The following SPEF2 variants were observed in gnomAD, a reference collection of about 807,000 sequenced individuals.
SPEF2 encodes sperm flagellar and cilia associated 2, also known as sperm flagella and cilia-associated protein 2.
SPEF2 carries 187 observed loss-of-function variants against 224.6 expected under a neutral mutation model. The ratio of observed to expected loss-of-function variants is 0.83; its 90% CI spans 0.74 to 0.94. The LOEUF (loss-of-function observed/expected upper bound fraction) is 0.94, where lower values mean the gene tolerates loss of function less well. Among genes scored for constraint, SPEF2 ranks in the 40% least tolerant of loss-of-function variants. The pLI, the probability that SPEF2 is intolerant of heterozygous loss-of-function variation, is 0.00. For synonymous variants in SPEF2, 715 were observed against 707.3 expected (o/e 1.01, Z -0.17); for missense variants, 2,170 against 2,135.6 (o/e 1.02, Z -0.32).
At chr5:35,646,346 G>A (rs1201892522) in intron 4 of SPEF2, among the ~76,000 whole-genome samples, 1 of 152,090 alleles carries the variant, frequency 6.6e-6, no homozygotes, top group East Asian at 1.9e-4. Context: ...ATGGCAGTAG[G>A]ATTGGGAAAG....
chr5:35,649,213 TA>T, intron 5 of SPEF2, 147 bp from the exon 6 acceptor site: 9 of 605,068 alleles, frequency 1.5e-5, no homozygotes, highest in Non-Finnish European at 2.5e-5. Context: ...ATCAAAATTA[TA>T]AAAAAAATTT....
At chr5:35,673,165 A>G (rs1444106740) in intron 10 of SPEF2, among the ~76,000 whole-genome samples, 1 of 152,174 alleles carries the variant, frequency 6.6e-6, no homozygotes, top group Non-Finnish European at 1.5e-5. Flanking sequence ...TGAGTTATTT[A>G]GTAGAAAGTG....
chr5:35,667,090 A>T lies in SPEF2; in HGVS notation c.1186A>T (p.Lys396Ter). 6.2e-7 allele frequency: 1 copy of T among 1,607,008 alleles called. No homozygotes were observed. Among genetic ancestry groups the T allele is most frequent in the Non-Finnish European group, 8.5e-7 (1 of 1,178,124 alleles). The part of the protein sequence containing the change: ...DREAALAKQA[K>*]IDFEEQFLKE... ...TTTTTAGGCTTTGGCAAAACAAGCC[A>T]AGATTGACTTTGAAGAACAATTCCT... The change falls in exon 9 of 37, where the codon AAG (lysine) becomes TAG (stop). Residue 396 changes from lysine to a stop codon, truncating the protein, a stop_gained. Transcript: ENST00000356031. LOFTEE classifies it high-confidence loss of function.
At position 35,659,100 on chromosome 5, in the gene SPEF2, C is replaced by T. The variant is rs763787700; in HGVS notation, c.1060C>T (p.His354Tyr). 1.2e-6 allele frequency: 2 copies of T among 1,613,136 alleles called. No individual in the cohort carries two copies. The change falls in exon 8 of 37, where the codon CAT becomes TAT. Residue 354 changes from histidine to tyrosine, a missense_variant. Physicochemically the swap from His to Tyr is moderately conservative, Grantham distance 83 (BLOSUM62 2). Transcript: ENST00000356031. ...GCGCAGGATTGCCGTGCAGCTCATG[C>T]ATGTTCGGCATGAAAAGGAAGTTTT... ...QERRIAVQLM[H>Y]VRHEKEVLWQ...
chr5:35,779,047 T>C, intron 29 of SPEF2, 70 bp from the exon 30 acceptor site: 1 of 1,199,628 alleles, frequency 8.3e-7, no homozygotes, highest in Non-Finnish European at 1.2e-6. Flanking sequence ...TGTATATGTC[T>C]TATAAGCAAA....
Position 35,814,518 on chromosome 5 carries a change from A to T in SPEF2, c.5434A>T (p.Arg1812Ter), listed in dbSNP as rs768580531. The part of the protein sequence containing the change: ...SEHVQGSDGE[R>*]SPSRHTEEKK ...ACATGTACAAGGAAGTGATGGAGAG[A>T]GATCACCTTCAAGACATACAGAGGA... The change falls in exon 37 of 37, where the codon AGA becomes TGA. Residue 1812 changes from arginine (R) to a stop codon, truncating the protein, a stop_gained. Transcript: ENST00000356031. LOFTEE classifies it high-confidence loss of function. The T allele has an allele frequency of 6.2e-7, 1 of 1,609,710 alleles. No homozygotes were observed. Among genetic ancestry groups the T allele is most frequent in the Non-Finnish European group, 8.5e-7 (1 of 1,177,318 alleles).
At chr5:35,812,339 T>C (rs1758597492) in intron 36 of SPEF2, among the ~76,000 whole-genome samples, 1 of 152,196 alleles carries the variant, frequency 6.6e-6, no homozygotes, top group Non-Finnish European at 1.5e-5. Context: ...CTCTGGTCCA[T>C]ACCTATGTGG....
intron 6 of SPEF2, among the ~76,000 whole-genome samples, chr5:35,652,477 T>C (rs1748342876): frequency 6.6e-6 from 1 of 152,206 alleles, no homozygotes; most frequent in African/African-American, 2.4e-5. Context: ...TTGGCCTTAC[T>C]GAGTGCTTGG....
At chr5:35,766,395 T>G (rs1752093373) in intron 26 of SPEF2, among the ~76,000 whole-genome samples, 2 of 152,036 alleles carry the variant, frequency 1.3e-5, no homozygotes, top group African/African-American at 4.8e-5. Context: ...TTGGTAGATA[T>G]TATTTTGCTA....
intron 33 of SPEF2, among the ~76,000 whole-genome samples, chr5:35,796,114 C>G (rs1756625036): frequency 6.6e-6 from 1 of 152,214 alleles, no homozygotes; most frequent in Non-Finnish European, 1.5e-5. Context: ...AAGCTTCCTT[C>G]CAATTCTAAA....
At chr5:35,695,863 A>G in intron 14 of SPEF2, 67 bp downstream of exon 14, 1 of 1,257,056 alleles carries the variant, frequency 8.0e-7, no homozygotes, top group Non-Finnish European at 1.1e-6. Context: ...GGTGTTTTGG[A>G]GTGTCTTCGA....
chr5:35,677,592 G>A (rs2149496005), intron 10 of SPEF2, among the ~76,000 whole-genome samples: 1 of 152,300 alleles, frequency 6.6e-6, no homozygotes, highest in East Asian at 1.9e-4. Context: ...TCAATGCCTT[G>A]GAAGGGCCAT....
Position 35,670,064 on chromosome 5 carries a change from T to TGATAG in SPEF2, c.1361_1362insGATAG (p.Ile454MetfsTer7). ...ACCTTTTTTTTGTGCGATAGTCTGA[T>TGATAG]TCCGTATAAGTTGATGCATGATTGG... On this transcript the variant is annotated frameshift_variant, in exon 10 of 37. Coordinates refer to ENST00000356031, the MANE Select transcript of SPEF2 (RefSeq NM_024867.4). LOFTEE classifies it high-confidence loss of function. 1.9e-6 allele frequency: 3 copies of TGATAG among 1,598,362 alleles called. No homozygotes were observed. Among genetic ancestry groups the TGATAG allele is most frequent in the Non-Finnish European group, 2.6e-6 (3 of 1,174,450 alleles).
chr5:35,740,093 CAT>C, intron 22 of SPEF2, 34 bp from the exon 23 acceptor site: 2 of 1,614,022 alleles, frequency 1.2e-6, no homozygotes, highest in Non-Finnish European at 1.7e-6. Context: ...AGAGGCATGA[CAT>C]ATAAAATTTA....
chr5:35,619,963 G>T (rs572153105), intron 1 of SPEF2, among the ~76,000 whole-genome samples: 82 of 152,176 alleles, frequency 5.4e-4, no homozygotes, highest in African/African-American at 1.9e-3. Context: ...CTGAAGTGTA[G>T]ATCTGGAAGC....
chr5:35,806,970 G>A lies in SPEF2; in HGVS notation c.5256+18G>A. The A allele has an allele frequency of 6.3e-7, 1 of 1,580,476 alleles. No homozygotes were observed. Among genetic ancestry groups the A allele is most frequent in the Non-Finnish European group, 8.6e-7 (1 of 1,166,718 alleles). ...ATGCAGAGGTTGGTTAAATTATTTT[G>A]AAAAAAGTTGGCCTCAATTCTGAGC... On this transcript the variant is annotated intron_variant, in intron 35 of 36. Coordinates refer to ENST00000356031, the MANE Select transcript of SPEF2 (RefSeq NM_024867.4).
intron 25 of SPEF2, among the ~76,000 whole-genome samples, chr5:35,762,922 T>C (rs951405962): frequency 3.3e-5 from 5 of 152,134 alleles, no homozygotes; most frequent in Admixed American, 6.5e-5. Context: ...AAAACCTTTG[T>C]GGGGGTGGTG....
chr5:35,669,663 A>G (rs1386729971), intron 9 of SPEF2, among the ~76,000 whole-genome samples: 1 of 152,018 alleles, frequency 6.6e-6, no homozygotes, highest in Non-Finnish European at 1.5e-5. Flanking sequence ...TGACTGTTTC[A>G]TAGCAGAACA....
chr5:35,651,899 T>G (rs1410216698), intron 6 of SPEF2, among the ~76,000 whole-genome samples: 1 of 152,136 alleles, frequency 6.6e-6, no homozygotes, highest in Non-Finnish European at 1.5e-5. Context: ...TGTAACAAGG[T>G]TCCTCCATTT....
Sources: allele counts gnomAD v4.1 joint callset (sites outside exome capture counted in the v4.1 genomes callset), GRCh38; gene constraint gnomAD v4.1.1; transcripts MANE v1.5; gene names NCBI Gene and HGNC (gene_info 2026-07-23, HGNC 2026-07-21).